Variants in CTTNBP2 observed in about 807,000 individuals in gnomAD.
The protein encoded by CTTNBP2 is cortactin binding protein 2.
CTTNBP2 carries 108 observed loss-of-function variants against 156.9 expected under a neutral mutation model. That is an observed-to-expected ratio of 0.69 (90% CI 0.59 to 0.81). CTTNBP2 has a LOEUF of 0.81. Ranked by LOEUF, CTTNBP2 falls within the 30% of genes least tolerant of loss-of-function variation. CTTNBP2 has a pLI of 0.00. For synonymous variants in CTTNBP2, 767 were observed against 751.8 expected (o/e 1.02, Z -0.33); for missense variants, 1,924 against 2,035.4 (o/e 0.95, Z 1.05).
At chr7:117,762,053 G>A (rs191743634) in intron 9 of CTTNBP2, among the ~76,000 whole-genome samples, 78 of 151,998 alleles carry the variant, frequency 5.1e-4, no homozygotes, top group African/African-American at 1.6e-3. Flanking sequence ...GTACCTCCTC[G>A]GTCGCTCTTT....
chr7:117,827,228 A>T (rs1183274238), intron 2 of CTTNBP2, among the ~76,000 whole-genome samples: 1 of 152,202 alleles, frequency 6.6e-6, no homozygotes, highest in Non-Finnish European at 1.5e-5. Context: ...ATATTGTCCA[A>T]AGAAGCAATC....
intron 2 of CTTNBP2, among the ~76,000 whole-genome samples, chr7:117,847,019 G>C (rs1488753062): frequency 6.6e-6 from 1 of 152,150 alleles, no homozygotes; most frequent in Admixed American, 6.5e-5. Context: ...AGACTGTTAA[G>C]AGACACCACA....
intron 22 of CTTNBP2, among the ~76,000 whole-genome samples, chr7:117,713,061 A>G (rs1427620529): frequency 2.6e-5 from 4 of 152,148 alleles, no homozygotes; most frequent in African/African-American, 7.2e-5. Flanking sequence ...CCTCTTGTGA[A>G]TTGTGCAAGT....
chr7:117,733,480 A>T lies in CTTNBP2; in HGVS notation c.3876+1433T>A, dbSNP rs4730800. Among the ~76,000 whole-genome samples, 912 of 152,304 alleles carry T rather than the reference A, an allele frequency of 6.0e-3. 9 individuals are homozygous for T. The highest frequency in any genetic ancestry group is 0.017 in the Middle Eastern group (5 of 294). On this transcript the variant is annotated intron_variant, in intron 16 of 22. Transcript: ENST00000160373. Reference sequence around the variant, plus strand: ...GGTATCTTTTCTGATTATTTACATGAATTATCTTTGGCAATGAGATTTAAA... The same window carrying T: ...GGTATCTTTTCTGATTATTTACATGTATTATCTTTGGCAATGAGATTTAAA...
Position 117,791,178 on chromosome 7 carries a change from G to A in CTTNBP2, c.2018C>T (p.Ala673Val), listed in dbSNP as rs1390737218. 1.9e-6 allele frequency: 3 copies of A among 1,614,208 alleles called. No individual in the cohort carries two copies. The highest frequency in any genetic ancestry group is 1.7e-5 in the Admixed American group (1 of 60,028). ...TGAGGCACCTGGTCTACAGGATGAG[G>A]CACTAACGGGGTTTATGGAAGAGCA... ...AFCSSINPVS[A>V]SSCRPGASDS... Residue 673 changes from alanine to valine, a missense_variant, in exon 4 of 23, where the codon GCC (alanine) becomes GTC (valine). Coordinates refer to ENST00000160373, the MANE Select transcript of CTTNBP2 (RefSeq NM_033427.3).
rs1794657188 is a variant in CTTNBP2 at position 117,719,486 on chromosome 7, C to G, written c.4644+18G>C. ...TGTTGAGTAGAGCCATTCAATGCCC[C>G]CCATTTGTACTGCTCACCTTGCTGA... On this transcript the variant is annotated intron_variant, in intron 21 of 22. Coordinates refer to ENST00000160373, the MANE Select transcript of CTTNBP2 (RefSeq NM_033427.3). 1.3e-6 allele frequency: 2 copies of G among 1,599,700 alleles called. No individual in the cohort carries two copies. The highest frequency in any genetic ancestry group is 1.1e-5 in the South Asian group (1 of 88,804).
chr7:117,724,510 C>T (rs775334673), intron 19 of CTTNBP2, 37 bp downstream of exon 19: 17 of 1,555,398 alleles, frequency 1.1e-5, no homozygotes, highest in Non-Finnish European at 1.5e-5. Context: ...CGTATGTCCA[C>T]CTCCTGGTAG....
intron 12 of CTTNBP2, 36 bp downstream of exon 12, chr7:117,756,519 G>GAAA (rs1796892257): frequency 6.5e-7 from 1 of 1,527,694 alleles, no homozygotes; most frequent in Admixed American, 1.7e-5. Context: ...GGCAGGGATG[G>GAAA]AAAACACAGG....
Position 117,734,912 on chromosome 7 carries a change from C to A in CTTNBP2, c.3876+1G>T. The stretch of plus-strand genomic sequence containing the variant: ...AACAGGCTGCACTTGCTGTTTGTTA[C>A]CTTATTCACAACTTTCCTTCGTAAG... On this transcript the variant is annotated splice_donor_variant, in intron 16 of 22. Transcript: ENST00000160373. LOFTEE classifies it high-confidence loss of function. The A allele has an allele frequency of 6.3e-7, 1 of 1,585,190 alleles. No homozygotes were observed. The highest frequency in any genetic ancestry group is 8.6e-7 in the Non-Finnish European group (1 of 1,161,390).
chr7:117,759,901 C>T (rs935281850), intron 10 of CTTNBP2, among the ~76,000 whole-genome samples: 8 of 152,174 alleles, frequency 5.3e-5, no homozygotes, highest in Admixed American at 2.6e-4. Context: ...AAGCAAATCT[C>T]GTAAGTTCCT....
chr7:117,733,235 A>G (rs1242434918), intron 16 of CTTNBP2, among the ~76,000 whole-genome samples: 1 of 152,174 alleles, frequency 6.6e-6, no homozygotes, highest in East Asian at 1.9e-4. Flanking sequence ...GGGCTGTTTT[A>G]TTAACCTACT....
chr7:117,867,067 T>C (rs995202362), intron 1 of CTTNBP2, among the ~76,000 whole-genome samples: 10 of 152,194 alleles, frequency 6.6e-5, no homozygotes, highest in Non-Finnish European at 4.4e-5. Context: ...CATAAGAACA[T>C]GCACTATATT....
intron 20 of CTTNBP2, among the ~76,000 whole-genome samples, chr7:117,720,054 C>T (rs966315969): frequency 1.3e-4 from 20 of 152,160 alleles, no homozygotes; most frequent in South Asian, 2.1e-4. Context: ...TTCCTGGGTT[C>T]CCTTTTCTGT....
chr7:117,799,413 T>C (rs1488445194), intron 3 of CTTNBP2, among the ~76,000 whole-genome samples: 2 of 151,884 alleles, frequency 1.3e-5, no homozygotes, highest in East Asian at 3.8e-4. Flanking sequence ...AACACCAGGA[T>C]TATGTCAACA....
chr7:117,738,075 C>T (rs945931097), intron 14 of CTTNBP2, among the ~76,000 whole-genome samples: 8 of 152,306 alleles, frequency 5.3e-5, no homozygotes, highest in South Asian at 2.1e-4. Context: ...AGTGGCAGGG[C>T]GCCCAGCAGT....
intron 16 of CTTNBP2, among the ~76,000 whole-genome samples, chr7:117,729,866 G>T (rs753561573): frequency 1.5e-4 from 23 of 152,150 alleles, no homozygotes; most frequent in Non-Finnish European, 3.2e-4. Flanking sequence ...CTTCAGCTGG[G>T]TCTCTCACAG....
intron 2 of CTTNBP2, among the ~76,000 whole-genome samples, chr7:117,825,263 C>A (rs557178859): frequency 6.6e-6 from 1 of 152,176 alleles, no homozygotes; most frequent in South Asian, 2.1e-4. Flanking sequence ...TTACTAGGTA[C>A]AAGGAAAAGT....
chr7:117,768,317 T>C (rs1797611095), intron 8 of CTTNBP2, among the ~76,000 whole-genome samples: 1 of 152,034 alleles, frequency 6.6e-6, no homozygotes, highest in Non-Finnish European at 1.5e-5. Context: ...ATCCCAGCAC[T>C]TTGGGAGGCC....
At chr7:117,743,383 A>T (rs1279996095) in intron 14 of CTTNBP2, among the ~76,000 whole-genome samples, 1 of 152,192 alleles carries the variant, frequency 6.6e-6, no homozygotes, top group African/African-American at 2.4e-5. Flanking sequence ...TTTTAAAGCC[A>T]GTAGTGATTA....
Sources: gnomAD v4.1 joint callset for allele counts (sites outside exome capture counted in the v4.1 genomes callset) on GRCh38, gnomAD v4.1.1 for gene constraint, MANE v1.5 for transcripts, NCBI Gene and HGNC (gene_info 2026-07-23, HGNC 2026-07-21) for gene names.